RPN2: variants seen among roughly 807,000 people sequenced by gnomAD.
RPN2 encodes ribophorin II.
A neutral mutation model predicts 71.4 loss-of-function variants in RPN2; 29 were observed. The ratio of observed to expected loss-of-function variants is 0.41; its 90% CI spans 0.30 to 0.55. The LOEUF (loss-of-function observed/expected upper bound fraction) is 0.55. RPN2 is among the 20% of genes least tolerant of loss of function. The probability of loss-of-function intolerance (pLI) is 0.35; values close to 1 mark genes in which losing one functional copy is unlikely to be tolerated. For missense variants in RPN2, 726 were observed against 774.1 expected (o/e 0.94, Z 0.74); for synonymous variants, 308 against 305.0 (o/e 1.01, Z -0.10).
chr20:37,209,963 A>C, intron 7 of RPN2, 84 bp from the exon 8 acceptor site: 1 of 1,587,954 alleles, frequency 6.3e-7, no homozygotes, highest in Non-Finnish European at 8.5e-7. Context: ...CAGAGCTTGC[A>C]ACCTATAGAT....
intron 11 of RPN2, among the ~76,000 whole-genome samples, chr20:37,227,766 A>C (rs994751283): frequency 1.3e-5 from 2 of 152,236 alleles, no homozygotes; most frequent in African/African-American, 4.8e-5. Flanking sequence ...GTCCAGTTCT[A>C]ATGTGCAGAC....
At chr20:37,202,588 T>C (rs1249468144) in intron 4 of RPN2, among the ~76,000 whole-genome samples, 1 of 152,238 alleles carries the variant, frequency 6.6e-6, no homozygotes, top group Non-Finnish European at 1.5e-5. Context: ...AAAAGCACCA[T>C]TTATATTTTC....
chr20:37,217,964 G>C (rs963106024), intron 9 of RPN2, among the ~76,000 whole-genome samples: 1 of 151,636 alleles, frequency 6.6e-6, no homozygotes, highest in South Asian at 2.1e-4. Flanking sequence ...TCAAACTCCT[G>C]ACCCTCAGGT....
chr20:37,221,414 T>C (rs1343644240), intron 9 of RPN2, among the ~76,000 whole-genome samples: 3 of 152,168 alleles, frequency 2.0e-5, no homozygotes, highest in Non-Finnish European at 2.9e-5. Flanking sequence ...GTCATGCTGG[T>C]CTCAAACTCC....
At chr20:37,229,886 C>A in intron 12 of RPN2, 87 bp from the exon 13 acceptor site, 1 of 1,028,106 alleles carries the variant, frequency 9.7e-7, no homozygotes, top group South Asian at 1.3e-5. Flanking sequence ...CAGTTATGGT[C>A]TTAGATGTGA....
At chr20:37,238,627 G>T in intron 16 of RPN2, 1 of 727,508 alleles carries the variant, frequency 1.4e-6, no homozygotes, top group Non-Finnish European at 2.5e-6. Flanking sequence ...GACTGGACCA[G>T]GGCAAAAGCT....
intron 9 of RPN2, among the ~76,000 whole-genome samples, chr20:37,219,141 T>C (rs1354195512): frequency 6.6e-6 from 1 of 152,238 alleles, no homozygotes; most frequent in Non-Finnish European, 1.5e-5. Flanking sequence ...CTACCAGCAA[T>C]GTGTGAGGGT....
At chr20:37,201,215 C>T (rs894805134) in intron 4 of RPN2, among the ~76,000 whole-genome samples, 5 of 149,558 alleles carry the variant, frequency 3.3e-5, no homozygotes, top group African/African-American at 1.2e-4. Flanking sequence ...CCCTAACAAA[C>T]AGGTCCCCCT....
At position 37,188,598 on chromosome 20, in the gene RPN2, A is replaced by AATTGATAG. The variant is rs1445649454; in HGVS notation, c.207+4226_207+4233dup. 2.0e-5 allele frequency among the ~76,000 whole-genome samples: 3 copies of AATTGATAG among 146,956 alleles called. No individual in the cohort carries two copies. In the East Asian group the frequency reaches 5.9e-4, roughly 29 times the overall value. On this transcript the variant is annotated intron_variant, in intron 2 of 16. Coordinates refer to ENST00000237530, the MANE Select transcript of RPN2 (RefSeq NM_002951.5). ...ATATATTTAATTCTGTCAAGGGCAGAATTGATAGTCCCAATTGGTGTCTTT... is the reference window on the plus strand; with the variant it reads ...ATATATTTAATTCTGTCAAGGGCAGAATTGATAGATTGATAGTCCCAATTGGTGTCTTT...
At chr20:37,237,618 A>G (rs1468727045) in intron 16 of RPN2, among the ~76,000 whole-genome samples, 1 of 152,116 alleles carries the variant, frequency 6.6e-6, no homozygotes, top group Non-Finnish European at 1.5e-5. Context: ...CTTTCTGAGC[A>G]TTTCACCATG....
intron 1 of RPN2, among the ~76,000 whole-genome samples, chr20:37,182,253 C>G (rs527964265): frequency 6.6e-5 from 10 of 152,164 alleles, no homozygotes; most frequent in Admixed American, 5.2e-4. Context: ...ACCATCACAC[C>G]TGGCTAATTT....
chr20:37,208,573 A>G (rs1369139891), intron 7 of RPN2, among the ~76,000 whole-genome samples: 2 of 152,156 alleles, frequency 1.3e-5, no homozygotes, highest in African/African-American at 4.8e-5. Flanking sequence ...TCTGGTGTTT[A>G]TGGTTGATCA....
chr20:37,217,072 A>G (rs1277833512), intron 9 of RPN2, among the ~76,000 whole-genome samples: 3 of 151,606 alleles, frequency 2.0e-5, no homozygotes, highest in Non-Finnish European at 2.9e-5. Context: ...CTGGGACTAC[A>G]GGCATGCACC....
chr20:37,212,028 C>T (rs2067685118), intron 8 of RPN2, among the ~76,000 whole-genome samples: 1 of 152,094 alleles, frequency 6.6e-6, no homozygotes, highest in South Asian at 2.1e-4. Context: ...ACCTCAGCCT[C>T]CAAAGTGCTG....
At chr20:37,200,285 G>C (rs1021779956) in intron 4 of RPN2, among the ~76,000 whole-genome samples, 1 of 152,114 alleles carries the variant, frequency 6.6e-6, no homozygotes, top group Admixed American at 6.5e-5. Flanking sequence ...CACAGCGCCC[G>C]GCTGCCCAGC....
intron 16 of RPN2, among the ~76,000 whole-genome samples, chr20:37,241,015 A>C (rs2068535407): frequency 6.6e-6 from 1 of 152,180 alleles, no homozygotes; most frequent in Non-Finnish European, 1.5e-5. Context: ...GCCTGGAATT[A>C]CCTCATCTCC....
chr20:37,217,538 GC>G (rs753710609), intron 9 of RPN2, among the ~76,000 whole-genome samples: 10 of 151,894 alleles, frequency 6.6e-5, no homozygotes, highest in Non-Finnish European at 1.2e-4. Context: ...TGATCCGCCT[GC>G]CTCGGCCTCC....
At chr20:37,216,746 G>A (rs1265553136) in intron 9 of RPN2, among the ~76,000 whole-genome samples, 1 of 152,164 alleles carries the variant, frequency 6.6e-6, no homozygotes, top group Non-Finnish European at 1.5e-5. Context: ...ACAGTCGTGA[G>A]CCACTGCACC....
intron 7 of RPN2, among the ~76,000 whole-genome samples, chr20:37,209,410 C>T (rs1342092904): frequency 1.3e-5 from 2 of 152,158 alleles, no homozygotes; most frequent in South Asian, 2.1e-4. Flanking sequence ...CCTCCCATCT[C>T]GGCCTCCCAA....
Sources: gnomAD v4.1 joint callset for allele counts (sites outside exome capture counted in the v4.1 genomes callset) on GRCh38, gnomAD v4.1.1 for gene constraint, MANE v1.5 for transcripts, NCBI Gene and HGNC (gene_info 2026-07-23, HGNC 2026-07-21) for gene names.